GLG1: variants seen among roughly 807,000 people sequenced by gnomAD.
GLG1 encodes Golgi apparatus protein 1.
Under a neutral mutation model 160.5 loss-of-function variants are expected in GLG1, and 38 were observed. The observed-to-expected ratio is 0.24, with a 90% CI of 0.18 to 0.31. The LOEUF is 0.31. Ranked by LOEUF, GLG1 falls within the 10% of genes least tolerant of loss-of-function variation. The pLI, the probability that GLG1 is intolerant of heterozygous loss-of-function variation, is 1.00. For synonymous variants in GLG1, 644 were observed against 543.4 expected, an observed-to-expected ratio of 1.19 and a Z score of -2.57; for missense variants, 1,373 against 1,505.2, an observed-to-expected ratio of 0.91 and a Z score of 1.45.
At chr16:74,491,304 A>ACG in intron 7 of GLG1, 89 bp from the exon 8 acceptor site, 1 of 916,612 alleles carries the variant, frequency 1.1e-6, no homozygotes, top group Non-Finnish European at 1.8e-6. Context: ...ACATATTTCT[A>ACG]TCTGTAATAC....
intron 2 of GLG1, among the ~76,000 whole-genome samples, chr16:74,511,267 G>A (rs1028896266): frequency 2.6e-5 from 4 of 152,148 alleles, no homozygotes; most frequent in African/African-American, 9.7e-5. Flanking sequence ...AAGATCTGAA[G>A]AAAACACAAA....
chr16:74,551,509 C>T lies in GLG1; in HGVS notation c.439-19356G>A, dbSNP rs752309782. ...TTTTTTAATTTTTAGTAGAGACGGG[C>T]GTCTTGCCATGTTGGCCATGCTGGT... On this transcript the variant is annotated intron_variant, in intron 1 of 25. Coordinates refer to ENST00000422840, the MANE Select transcript of GLG1 (RefSeq NM_001145667.2). Among the ~76,000 whole-genome samples the T allele has an allele frequency of 2.7e-4, 39 of 145,150 alleles. No homozygotes were observed. In the East Asian group the frequency reaches 5.7e-3, roughly 21 times the overall value.
chr16:74,560,723 T>C (rs2018488188), intron 1 of GLG1, among the ~76,000 whole-genome samples: 1 of 151,522 alleles, frequency 6.6e-6, no homozygotes, highest in Non-Finnish European at 1.5e-5. Context: ...GGCTTAGGCC[T>C]GTAACCCCAG....
At chr16:74,472,440 C>T in intron 13 of GLG1, 29 bp from the exon 14 acceptor site, 1 of 1,542,986 alleles carries the variant, frequency 6.5e-7, no homozygotes, top group Non-Finnish European at 8.9e-7. Flanking sequence ...ATTAATACTT[C>T]TGCTTTAGAA....
At chr16:74,474,017 A>G (rs1035063755) in intron 13 of GLG1, among the ~76,000 whole-genome samples, 3 of 150,900 alleles carry the variant, frequency 2.0e-5, no homozygotes, top group African/African-American at 7.3e-5. Flanking sequence ...ACAGTGGCGC[A>G]ATCTAGGCTT....
intron 1 of GLG1, among the ~76,000 whole-genome samples, chr16:74,565,070 G>A (rs947559411): frequency 6.6e-6 from 1 of 152,156 alleles, no homozygotes; most frequent in Admixed American, 6.6e-5. Flanking sequence ...CAGATGGGGT[G>A]GCTCATGCCT....
chr16:74,508,034 T>C (rs1453916472), intron 3 of GLG1, among the ~76,000 whole-genome samples: 3 of 152,028 alleles, frequency 2.0e-5, no homozygotes, highest in African/African-American at 4.8e-5. Context: ...ATAACTGATC[T>C]AGTATTAGAA....
chr16:74,605,151 A>G (rs1271314233), intron 1 of GLG1, among the ~76,000 whole-genome samples: 1 of 152,170 alleles, frequency 6.6e-6, no homozygotes, highest in Non-Finnish European at 1.5e-5. Flanking sequence ...CTGGAGGAAA[A>G]AACATTAAAT....
intron 1 of GLG1, among the ~76,000 whole-genome samples, chr16:74,539,419 T>C (rs2017773043): frequency 6.6e-6 from 1 of 151,722 alleles, no homozygotes. Flanking sequence ...TATAGAACAG[T>C]GAGTGGGCTA....
intron 12 of GLG1, among the ~76,000 whole-genome samples, chr16:74,476,418 T>C (rs557794381): frequency 3.3e-5 from 5 of 152,180 alleles, no homozygotes. Context: ...CTGAACATGA[T>C]AGTCCTATGC....
rs1399458520 is a variant in GLG1 at position 74,490,982 on chromosome 16, A to C, written c.1449+19T>G. The C allele has an allele frequency of 1.3e-6, 2 of 1,562,416 alleles. No individual in the cohort carries two copies. The highest frequency in any genetic ancestry group is 1.8e-6 in the Non-Finnish European group (2 of 1,133,264). On this transcript the variant is annotated intron_variant, in intron 8 of 25. Coordinates refer to ENST00000422840, the MANE Select transcript of GLG1 (RefSeq NM_001145667.2). ...TGATAAATGTGACATTCAAAATGGCAATAGCAATGTCTCCTTACCGCCTGC... is the reference window on the plus strand; with the variant it reads ...TGATAAATGTGACATTCAAAATGGCCATAGCAATGTCTCCTTACCGCCTGC...
chr16:74,452,539 G>C lies in GLG1; in HGVS notation c.*628C>G, dbSNP rs182538140. 9.8e-4 allele frequency: 991 copies of C among 1,013,014 alleles called. No homozygotes were observed. The highest frequency in any genetic ancestry group is 2.0e-3 in the Middle Eastern group (4 of 2,032). The allele number at this position is 1,013,014 out of a possible 1,614,324, so 62.8% of individuals were successfully genotyped here. ...GGCTGATTAGGGTGGAAACTGGAAA[G>C]CGTCACTGTCTCAGCAGAAGAAAGC... On this transcript the variant is annotated 3_prime_UTR_variant, in exon 26 of 26. Transcript: ENST00000422840.
intron 7 of GLG1, 29 bp downstream of exon 7, chr16:74,492,928 G>A: frequency 1.4e-6 from 2 of 1,432,488 alleles, no homozygotes; most frequent in South Asian, 2.7e-5. Flanking sequence ...GAACAGAAAT[G>A]ATAATTAAAA....
intron 3 of GLG1, among the ~76,000 whole-genome samples, chr16:74,506,693 GA>G (rs1484891799): frequency 6.7e-6 from 1 of 150,146 alleles, no homozygotes; most frequent in Non-Finnish European, 1.5e-5. Flanking sequence ...AGATTTTACT[GA>G]AACAGAGATG....
chr16:74,568,881 CAAAAATCTTCT>C (rs1024181343), intron 1 of GLG1, among the ~76,000 whole-genome samples: 1 of 152,074 alleles, frequency 6.6e-6, no homozygotes, highest in African/African-American at 2.4e-5. Context: ...TGTTGGAAAA[CAAAAATCTTCT>C]TAAAAGCAAT....
intron 24 of GLG1, among the ~76,000 whole-genome samples, chr16:74,457,078 G>C (rs1222437799): frequency 6.6e-6 from 1 of 152,166 alleles, no homozygotes; most frequent in East Asian, 1.9e-4. Context: ...CTACATTATA[G>C]TAAGACCTTG....
chr16:74,541,672 C>T (rs1390816919), intron 1 of GLG1, among the ~76,000 whole-genome samples: 1 of 152,180 alleles, frequency 6.6e-6, no homozygotes, highest in Non-Finnish European at 1.5e-5. Flanking sequence ...CTTTCATTCT[C>T]TGTATAAAAT....
At position 74,550,991 on chromosome 16, in the gene GLG1, C is replaced by G. The variant is rs560131385; in HGVS notation, c.439-18838G>C. Among the ~76,000 whole-genome samples the G allele has an allele frequency of 2.6e-5, 4 of 152,244 alleles. No homozygotes were observed. In the South Asian group the frequency reaches 8.3e-4, roughly 32 times the overall value. On this transcript the variant is annotated intron_variant, in intron 1 of 25. Coordinates refer to ENST00000422840, the MANE Select transcript of GLG1 (RefSeq NM_001145667.2). The stretch of plus-strand genomic sequence containing the variant: ...TCTAATGTCTGAAGTTAGAGCAACC[C>G]TGGAAATATTCATGTTGAATCTAAC...
chr16:74,590,992 T>A (rs554385958), intron 1 of GLG1, among the ~76,000 whole-genome samples: 4 of 151,540 alleles, frequency 2.6e-5, no homozygotes, highest in Admixed American at 6.6e-5. Flanking sequence ...AATGAAGTTG[T>A]GGATTTTCAA....
Sources: allele counts gnomAD v4.1 joint callset (sites outside exome capture counted in the v4.1 genomes callset), GRCh38; gene constraint gnomAD v4.1.1; transcripts MANE v1.5; gene names NCBI Gene and HGNC (gene_info 2026-07-23, HGNC 2026-07-21).